Variants in GSTM4 observed in about 807,000 individuals in gnomAD.
The protein encoded by GSTM4 is GST class-mu 4.
Under a neutral mutation model 30.1 loss-of-function variants are expected in GSTM4, and 27 were observed. The ratio of observed to expected loss-of-function variants is 0.90; its 90% CI spans 0.66 to 1.24. GSTM4 has a LOEUF of 1.24. GSTM4 is among the 50% of genes most tolerant of loss of function. The pLI, the probability that GSTM4 is intolerant of heterozygous loss-of-function variation, is 0.00. For missense variants in GSTM4, 238 were observed against 272.1 expected (o/e 0.87, Z 0.88); for synonymous variants, 94 against 96.2 (o/e 0.98, Z 0.13).
chr1:109,665,692 A>G (rs1647298470), downstream of GSTM4, among the ~76,000 whole-genome samples: 1 of 152,248 alleles, frequency 6.6e-6, no homozygotes, highest in African/African-American at 2.4e-5. Context: ...CTATATGGAA[A>G]GCACTTTCTG....
intron 3 of GSTM4, 77 bp from the exon 4 acceptor site, chr1:109,657,513 C>T: frequency 6.3e-7 from 1 of 1,592,278 alleles, no homozygotes; most frequent in East Asian, 2.2e-5. Flanking sequence ...GGTCTCCCCT[C>T]TGCCCTTGCA....
At chr1:109,664,740 C>T (rs1291045432), downstream of GSTM4, among the ~76,000 whole-genome samples, 1 of 152,042 alleles carries the variant, frequency 6.6e-6, no homozygotes, top group Non-Finnish European at 1.5e-5. Context: ...TGAGGGATTG[C>T]AGTTTCATCT....
downstream of GSTM4, among the ~76,000 whole-genome samples, chr1:109,666,307 T>G (rs1338834373): frequency 6.6e-6 from 1 of 152,086 alleles, no homozygotes; most frequent in East Asian, 1.9e-4. Flanking sequence ...CCAGGCTGGG[T>G]GGATACTTTT....
Position 109,658,888 on chromosome 1 carries a change from G to A in GSTM4, c.435G>A (p.Arg145=). The part of the protein sequence containing the change: ...MQHFSQFLGK[R]PWFVGDKITF... ...ACTTCTCACAGTTCCTGGGGAAGAGGCCATGGTTTGTTGGAGACAAGGTAA... is the reference window on the plus strand; with the variant it reads ...ACTTCTCACAGTTCCTGGGGAAGAGACCATGGTTTGTTGGAGACAAGGTAA... The change falls in exon 6 of 8, where the codon AGG becomes AGA. Residue 145 remains arginine (R), a synonymous_variant. Transcript: ENST00000369836. 1.2e-6 allele frequency: 2 copies of A among 1,613,942 alleles called. No individual in the cohort carries two copies. Among genetic ancestry groups the A allele is most frequent in the Non-Finnish European group, 1.7e-6 (2 of 1,179,784 alleles).
downstream of GSTM4, among the ~76,000 whole-genome samples, chr1:109,663,392 G>C (rs1652373282): frequency 6.6e-6 from 1 of 152,172 alleles, no homozygotes; most frequent in Non-Finnish European, 1.5e-5. Context: ...GCTTGGCCAG[G>C]TGCGGTGGCT....
chr1:109,663,511 C>T (rs997380097), downstream of GSTM4, among the ~76,000 whole-genome samples: 1 of 152,038 alleles, frequency 6.6e-6, no homozygotes, highest in African/African-American at 2.4e-5. Flanking sequence ...ACTAAAAATA[C>T]AAAAATCAGC....
intron 7 of GSTM4, chr1:109,659,775 C>CT: frequency 1.9e-6 from 1 of 537,746 alleles, no homozygotes; most frequent in East Asian, 5.7e-5. Context: ...TTTTTCCTCT[C>CT]TTTTTTCCCT....
downstream of GSTM4, among the ~76,000 whole-genome samples, chr1:109,666,614 T>A (rs191881737): frequency 2.0e-4 from 30 of 152,302 alleles, no homozygotes; most frequent in African/African-American, 6.7e-4. Flanking sequence ...TGTCTCTAGG[T>A]CCTCCCTTCT....
chr1:109,657,359 G>A (rs1267123359), intron 3 of GSTM4, 80 bp downstream of exon 3: 22 of 1,578,486 alleles, frequency 1.4e-5, no homozygotes, highest in African/African-American at 2.7e-5. Flanking sequence ...GATTAGAGGT[G>A]TTCGGATCAG....
At chr1:109,664,332 A>C (rs1358925624), downstream of GSTM4, among the ~76,000 whole-genome samples, 1 of 106,068 alleles carries the variant, frequency 9.4e-6, no homozygotes, top group Non-Finnish European at 1.9e-5. Context: ...TGCTCTCTAG[A>C]GAGAATAGCT....
rs116598260 is a variant in GSTM4, at chr1:109,659,032, C to T, written c.489C>T (p.Val163=). ...TTGTAGATTTCCTCGCCTATGATGT[C>T]CTTGACCTCCACCGTATATTTGAGC... ...ITFVDFLAYD[V]LDLHRIFEPN... is the part of the protein sequence containing the mutation. The change falls in exon 7 of 8, where the codon GTC becomes GTT. Residue 163 remains valine, a synonymous_variant. Transcript: ENST00000369836. 288 of 1,614,214 alleles carry T rather than the reference C, an allele frequency of 1.8e-4. No homozygotes were observed. Among genetic ancestry groups the T allele is most frequent in the Non-Finnish European group, 2.3e-4 (277 of 1,180,034 alleles).
At chr1:109,663,248 C>G (rs575613439), downstream of GSTM4, among the ~76,000 whole-genome samples, 3 of 152,282 alleles carry the variant, frequency 2.0e-5, no homozygotes, top group East Asian at 3.9e-4. Flanking sequence ...CTATTGAAGG[C>G]TCCTGGTGCA....
chr1:109,660,954 G>C, intron 7 of GSTM4: 1 of 596,954 alleles, frequency 1.7e-6, no homozygotes, highest in African/African-American at 1.9e-5. Flanking sequence ...ATAAGTGTTA[G>C]CTGTTACTGT....
At chr1:109,667,470 C>T (rs540090165), downstream of GSTM4, among the ~76,000 whole-genome samples, 4 of 152,216 alleles carry the variant, frequency 2.6e-5, no homozygotes, top group Admixed American at 2.6e-4. Context: ...TGTCTCTCTT[C>T]CCACCCAGCA....
intron 4 of GSTM4, 36 bp from the exon 5 acceptor site, chr1:109,657,736 T>A: frequency 6.2e-7 from 1 of 1,614,040 alleles, no homozygotes; most frequent in Non-Finnish European, 8.5e-7. Context: ...ATTGGGGTGC[T>A]ATGCTCAGAG....
chr1:109,665,218 A>C (rs1647277579), downstream of GSTM4: 1 of 638,370 alleles, frequency 1.6e-6, no homozygotes, highest in South Asian at 1.8e-5. Flanking sequence ...AAAGACAGGA[A>C]GGGTGAATTT....
At chr1:109,657,334 C>T (rs1269119322) in intron 3 of GSTM4, 55 bp downstream of exon 3, 6 of 1,592,316 alleles carry the variant, frequency 3.8e-6, no homozygotes, top group Non-Finnish European at 4.3e-6. Flanking sequence ...TCTCTGACTG[C>T]ATCTCCTCTC....
At chr1:109,657,956 G>T (rs1276318633) in intron 5 of GSTM4, 84 bp downstream of exon 5, 4 of 1,135,742 alleles carry the variant, frequency 3.5e-6, no homozygotes, top group Non-Finnish European at 5.3e-6. Flanking sequence ...ACTCCTCACT[G>T]CTATTGATCC....
chr1:109,666,544 TCTC>T (rs920196460), downstream of GSTM4, among the ~76,000 whole-genome samples: 2 of 152,048 alleles, frequency 1.3e-5, no homozygotes, highest in Admixed American at 6.5e-5. Flanking sequence ...CCTGCCCAAT[TCTC>T]CTTCTCTCAT....
Sources: gnomAD v4.1 joint callset for allele counts (sites outside exome capture counted in the v4.1 genomes callset) on GRCh38, gnomAD v4.1.1 for gene constraint, MANE v1.5 for transcripts, NCBI Gene and HGNC (gene_info 2026-07-23, HGNC 2026-07-21) for gene names.